Variants in BTG3 observed in about 807,000 individuals in gnomAD.
BTG3 encodes the protein BTG anti-proliferation factor 3.
A neutral mutation model predicts 25.8 loss-of-function variants in BTG3; 4 were observed. The ratio of observed to expected loss-of-function variants is 0.16; its 90% CI spans 0.08 to 0.36. The LOEUF is 0.36. Ranked by LOEUF, BTG3 falls within the 10% of genes least tolerant of loss-of-function variation. BTG3 has a pLI of 1.00. For synonymous variants in BTG3, 107 were observed against 99.9 expected (o/e 1.07, Z -0.42); for missense variants, 201 against 304.9 (o/e 0.66, Z 2.54).
chr21:17,599,039 A>G (rs971760580), intron 3 of BTG3: 6 of 425,112 alleles, frequency 1.4e-5, no homozygotes, highest in African/African-American at 1.0e-4. Flanking sequence ...ATTCATAAAC[A>G]TAACCCCATT....
intron 3 of BTG3, among the ~76,000 whole-genome samples, chr21:17,599,681 T>C (rs928436206): frequency 6.6e-6 from 1 of 152,144 alleles, no homozygotes; most frequent in African/African-American, 2.4e-5. Flanking sequence ...GGTTTCACCA[T>C]GCTGGCCAGG....
chr21:17,603,793 A>C (rs186771115), intron 3 of BTG3, among the ~76,000 whole-genome samples: 1 of 152,302 alleles, frequency 6.6e-6, no homozygotes, highest in Non-Finnish European at 1.5e-5. Flanking sequence ...TCCCAGCTCA[A>C]GTATCACCTA....
intron 2 of BTG3, among the ~76,000 whole-genome samples, chr21:17,605,788 TG>T (rs937254977): frequency 6.6e-6 from 1 of 152,168 alleles, no homozygotes; most frequent in African/African-American, 2.4e-5. Context: ...ATAGGGCCTA[TG>T]AAGGAAAAGT....
chr21:17,595,147 A>G (rs954355405), intron 4 of BTG3, among the ~76,000 whole-genome samples: 2 of 152,064 alleles, frequency 1.3e-5, no homozygotes, highest in Non-Finnish European at 2.9e-5. Flanking sequence ...TTTGGGAATA[A>G]TAGTTTTAGA....
intron 4 of BTG3, among the ~76,000 whole-genome samples, chr21:17,596,523 C>T (rs1289040785): frequency 1.3e-5 from 2 of 151,904 alleles, no homozygotes; most frequent in East Asian, 3.9e-4. Flanking sequence ...CCAGTTGTTT[C>T]AGCACAAGTT....
At chr21:17,610,704 T>C (rs1469647856) in intron 1 of BTG3, among the ~76,000 whole-genome samples, 1 of 152,198 alleles carries the variant, frequency 6.6e-6, no homozygotes, top group Non-Finnish European at 1.5e-5. Flanking sequence ...GTAAGCAACA[T>C]CACCTTTTTG....
intron 2 of BTG3, among the ~76,000 whole-genome samples, chr21:17,608,367 A>T (rs1199035299): frequency 6.9e-6 from 1 of 145,224 alleles, no homozygotes; most frequent in African/African-American, 2.5e-5. Context: ...AGCAAAAACA[A>T]TACCACAAAA....
rs148274453 is a variant in BTG3 at position 17,611,492 on chromosome 21, A to G, written c.-9+1207T>C. On this transcript the variant is annotated intron_variant, in intron 1 of 4. Transcript: ENST00000348354. The stretch of plus-strand genomic sequence containing the variant: ...TTGGACTTTTGTTTTCCCCGTTTGA[A>G]GAAATGATAGCTCGAACAGCTGAAA... Among the ~76,000 whole-genome samples the G allele has an allele frequency of 1.4e-4, 21 of 152,322 alleles. No individual in the cohort carries two copies. In the East Asian group the frequency reaches 3.7e-3, roughly 27 times the overall value.
chr21:17,610,938 C>T (rs2061712565), intron 1 of BTG3, among the ~76,000 whole-genome samples: 1 of 152,146 alleles, frequency 6.6e-6, no homozygotes, highest in African/African-American at 2.4e-5. Context: ...ACACAGTTAT[C>T]TGAGAGGTGT....
chr21:17,599,429 T>C (rs1182234148), intron 3 of BTG3, among the ~76,000 whole-genome samples: 2 of 151,804 alleles, frequency 1.3e-5, no homozygotes, highest in East Asian at 1.9e-4. Flanking sequence ...ATCCACCCAC[T>C]TCAGCTACCC....
rs532173521 is a variant in BTG3, at chr21:17,598,523, A to T, written c.519+94T>A. The T allele has an allele frequency of 7.9e-4, 836 of 1,053,320 alleles. 5 individuals are homozygous for T. The South Asian group carries it at 0.013, about 16-fold the overall frequency. The allele number at this position is 1,053,320 out of a possible 1,614,324, so 65.2% of individuals were successfully genotyped here. A position where few individuals can be genotyped will look rare whatever the true frequency, so the allele number is the denominator to read the frequency against. Reference sequence around the variant, plus strand: ...GCAAGAACTATTATCCAGAATCTCAAGTCAGAAACCTTGGGCAATGCCAAG... The same window carrying T: ...GCAAGAACTATTATCCAGAATCTCATGTCAGAAACCTTGGGCAATGCCAAG... On this transcript the variant is annotated intron_variant, in intron 4 of 4. Coordinates refer to ENST00000348354, the MANE Select transcript of BTG3 (RefSeq NM_006806.5).
chr21:17,596,853 G>GT (rs775180738), intron 4 of BTG3, among the ~76,000 whole-genome samples: 12 of 151,896 alleles, frequency 7.9e-5, no homozygotes, highest in Non-Finnish European at 1.3e-4. Context: ...TCATTTCTTC[G>GT]TTTTTTAAGA....
At chr21:17,595,481 T>C (rs992424133) in intron 4 of BTG3, among the ~76,000 whole-genome samples, 5 of 151,982 alleles carry the variant, frequency 3.3e-5, no homozygotes, top group Admixed American at 2.0e-4. Flanking sequence ...TTTAGAGATA[T>C]TCTATCCACA....
chr21:17,599,326 G>A (rs976145174), intron 3 of BTG3, among the ~76,000 whole-genome samples: 14 of 151,976 alleles, frequency 9.2e-5, no homozygotes, highest in African/African-American at 3.4e-4. Context: ...GACTACAGGA[G>A]TGTACCACCA....
chr21:17,608,373 CAAAA>C (rs36108840), intron 2 of BTG3, among the ~76,000 whole-genome samples: 2 of 137,166 alleles, frequency 1.5e-5, no homozygotes, highest in African/African-American at 5.4e-5. Context: ...AACAATACCA[CAAAA>C]AAAAAAAACT....
intron 3 of BTG3, chr21:17,604,241 G>C: frequency 2.0e-6 from 1 of 508,286 alleles, no homozygotes; most frequent in South Asian, 2.1e-5. Context: ...AGGAGTTTGA[G>C]AGCAGTCTGG....
Position 17,610,927 on chromosome 21 carries a change from TAC to T in BTG3, c.-9+1770_-9+1771del, listed in dbSNP as rs150695941. Among the ~76,000 whole-genome samples the T allele has an allele frequency of 4.5e-3, 682 of 152,060 alleles. 24 individuals are homozygous for T. In the East Asian group the frequency reaches 0.08, roughly 18 times the overall value. ...AGGAACCTCACTGTGAAATAAATTC[TAC>T]ACAGTTATCTGAGAGGTGTGCTGGC... is the stretch of plus-strand genomic sequence containing the variant. On this transcript the variant is annotated intron_variant, in intron 1 of 4. Transcript: ENST00000348354.
In BTG3 at chr21:17,594,141, A is replaced by G. The variant is rs752906772; in HGVS notation, c.711T>C (p.His237=). The G allele has an allele frequency of 1.2e-6, 2 of 1,613,298 alleles. No homozygotes were observed. Among genetic ancestry groups the G allele is most frequent in the Non-Finnish European group, 8.5e-7 (1 of 1,179,400 alleles). The change falls in exon 5 of 5, where the codon CAT becomes CAC. Residue 237 remains histidine, a synonymous_variant. Transcript: ENST00000348354. The stretch of plus-strand genomic sequence containing the variant: ...GATTAATCCAGTGATTCCGGTCACA[A>G]TGCATTCCAGGAGGAGGTACCCATG... ...PVTWVPPPGM[H]CDRNHWINPH...
chr21:17,598,671 C>T lies in BTG3; in HGVS notation c.465G>A (p.Lys155=), dbSNP rs1299972772. 1 of 1,614,054 alleles carries T rather than the reference C, an allele frequency of 6.2e-7. No individual in the cohort carries two copies. Among genetic ancestry groups the T allele is most frequent in the South Asian group, 1.1e-5 (1 of 91,074 alleles). ...CCGAACTGGGTTTCACTTCCATTTCCTTACTTGTTTCTTCATCTGAAGAAG... is the reference window on the plus strand; with the variant it reads ...CCGAACTGGGTTTCACTTCCATTTCTTTACTTGTTTCTTCATCTGAAGAAG... ...GSSSSDEETS[K]EMEVKPSSVT... The change falls in exon 4 of 5, where the codon AAG becomes AAA. Residue 155 remains lysine (K), a synonymous_variant. Coordinates refer to ENST00000348354, the MANE Select transcript of BTG3 (RefSeq NM_006806.5).
Sources: gnomAD v4.1 joint callset for allele counts (sites outside exome capture counted in the v4.1 genomes callset) on GRCh38, gnomAD v4.1.1 for gene constraint, MANE v1.5 for transcripts, NCBI Gene and HGNC (gene_info 2026-07-23, HGNC 2026-07-21) for gene names.